DSCAM: variants seen among roughly 807,000 people sequenced by gnomAD.
DSCAM encodes the protein cell adhesion molecule DSCAM.
In DSCAM, 47 loss-of-function variants were observed where a neutral mutation model predicts 217.7. The ratio of observed to expected loss-of-function variants is 0.22; its 90% CI spans 0.17 to 0.28. DSCAM has a LOEUF of 0.28. DSCAM is among the 10% of genes least tolerant of loss of function. The pLI is 1.00. For missense variants in DSCAM, 2,080 were observed against 2,618.3 expected (o/e 0.79, Z 4.49); for synonymous variants, 1,056 against 1,015.3 (o/e 1.04, Z -0.76).
intron 11 of DSCAM, among the ~76,000 whole-genome samples, chr21:40,226,847 A>G (rs958871698): frequency 1.3e-5 from 2 of 152,122 alleles, no homozygotes; most frequent in East Asian, 1.9e-4. Context: ...TTCATTATCC[A>G]GGTATTAAGC....
chr21:40,065,332 G>T (rs1402366041), intron 27 of DSCAM, among the ~76,000 whole-genome samples: 9 of 152,022 alleles, frequency 5.9e-5, no homozygotes, highest in Admixed American at 5.9e-4. Flanking sequence ...TGAGATGAGG[G>T]TCTGGGTGTT....
chr21:40,299,953 A>G (rs1231173843), intron 9 of DSCAM, among the ~76,000 whole-genome samples: 9 of 152,132 alleles, frequency 5.9e-5, no homozygotes, highest in Non-Finnish European at 1.2e-4. Context: ...GAAAGTGAGC[A>G]TTTCCTGAGT....
intron 3 of DSCAM, among the ~76,000 whole-genome samples, chr21:40,673,267 G>A (rs567565343): frequency 8.7e-5 from 12 of 138,194 alleles, no homozygotes; most frequent in South Asian, 8.1e-4. Flanking sequence ...CTTGTTTTAC[G>A]GTAGTAAAGA....
Position 40,312,129 on chromosome 21 carries a change from G to A in DSCAM, c.2014C>T (p.Arg672Trp), listed in dbSNP as rs756989790. ...TGCTCCACAGCGGCGGCCTCATTCCGGGCTATGCAGGTGTAATTCCCATTG... is the reference window on the plus strand; with the variant it reads ...TGCTCCACAGCGGCGGCCTCATTCCAGGCTATGCAGGTGTAATTCCCATTG... ...MHNGNYTCIA[R>W]NEAAAVEHQS... The change falls in exon 9 of 33, where the codon CGG (arginine) becomes TGG (tryptophan). Residue 672 changes from arginine to tryptophan, a missense_variant. Coordinates refer to ENST00000400454, the MANE Select transcript of DSCAM (RefSeq NM_001389.5). 1.1e-5 allele frequency: 18 copies of A among 1,613,742 alleles called. No individual in the cohort carries two copies. Among genetic ancestry groups the A allele is most frequent in the Middle Eastern group, 1.6e-4 (1 of 6,084 alleles).
chr21:40,707,925 C>T (rs2090735271), intron 2 of DSCAM, among the ~76,000 whole-genome samples: 1 of 152,156 alleles, frequency 6.6e-6, no homozygotes, highest in African/African-American at 2.4e-5. Flanking sequence ...TATGTACTGA[C>T]AACATTTCAG....
At chr21:40,311,593 A>G (rs2074138080) in intron 9 of DSCAM, among the ~76,000 whole-genome samples, 1 of 152,256 alleles carries the variant, frequency 6.6e-6, no homozygotes, top group African/African-American at 2.4e-5. Flanking sequence ...TAAATAGAAT[A>G]GATGGGCAAA....
At chr21:40,329,065 G>A (rs2074348137) in intron 8 of DSCAM, among the ~76,000 whole-genome samples, 1 of 152,154 alleles carries the variant, frequency 6.6e-6, no homozygotes, top group African/African-American at 2.4e-5. Context: ...GTATTGATAG[G>A]AATGCAAGTT....
At chr21:40,763,991 C>T (rs1409378357) in intron 1 of DSCAM, among the ~76,000 whole-genome samples, 8 of 152,008 alleles carry the variant, frequency 5.3e-5, no homozygotes, top group Non-Finnish European at 1.2e-4. Context: ...CCATAAAAAC[C>T]CTAAAAGAAA....
intron 3 of DSCAM, among the ~76,000 whole-genome samples, chr21:40,464,182 C>T (rs373139900): frequency 7.9e-5 from 12 of 152,216 alleles, no homozygotes; most frequent in African/African-American, 2.9e-4. Context: ...CACACCTCTA[C>T]AGAGGTTCTC....
intron 18 of DSCAM, among the ~76,000 whole-genome samples, chr21:40,136,985 T>A (rs541810109): frequency 6.6e-5 from 10 of 151,832 alleles, no homozygotes; most frequent in Non-Finnish European, 1.0e-4. Context: ...CCATCCTGGC[T>A]AACACGGTGA....
At chr21:40,365,663 G>A (rs540520451) in intron 4 of DSCAM, among the ~76,000 whole-genome samples, 32 of 152,170 alleles carry the variant, frequency 2.1e-4, no homozygotes, top group African/African-American at 7.7e-4. Flanking sequence ...CAGAAGAGTT[G>A]CTCATCTTCT....
chr21:40,366,240 C>T (rs1163491527), intron 4 of DSCAM, among the ~76,000 whole-genome samples: 2 of 151,976 alleles, frequency 1.3e-5, no homozygotes, highest in African/African-American at 2.4e-5. Flanking sequence ...AATACTTATT[C>T]TCATCAATTG....
chr21:40,661,070 C>T (rs8133190), intron 3 of DSCAM, among the ~76,000 whole-genome samples: 135,429 of 152,236 alleles, frequency 0.89, 60,366 homozygotes, highest in East Asian at 1. Flanking sequence ...TGGAGGCTTC[C>T]GGAAATAGAG....
chr21:40,810,760 C>A (rs1428326563), intron 1 of DSCAM, among the ~76,000 whole-genome samples: 2 of 152,050 alleles, frequency 1.3e-5, no homozygotes, highest in Admixed American at 6.6e-5. Context: ...AAAAAACTAT[C>A]CAGACATGGT....
intron 3 of DSCAM, among the ~76,000 whole-genome samples, chr21:40,551,624 ACAGCT>A (rs1213294041): frequency 3.9e-5 from 6 of 152,178 alleles, no homozygotes; most frequent in African/African-American, 1.4e-4. Context: ...CCCACAAAAG[ACAGCT>A]TTGCAGAACC....
chr21:40,761,259 T>G (rs967081668), intron 1 of DSCAM, among the ~76,000 whole-genome samples: 5 of 152,306 alleles, frequency 3.3e-5, no homozygotes, highest in Middle Eastern at 3.4e-3. Context: ...CGGTACCTGT[T>G]ATCAAATGTT....
At chr21:40,209,238 G>A (rs2091157930) in intron 11 of DSCAM, among the ~76,000 whole-genome samples, 1 of 152,160 alleles carries the variant, frequency 6.6e-6, no homozygotes, top group Non-Finnish European at 1.5e-5. Context: ...GAAGCAGTGG[G>A]GGAGGATGAG....
chr21:40,779,869 G>T (rs534206475), intron 1 of DSCAM, among the ~76,000 whole-genome samples: 11 of 152,192 alleles, frequency 7.2e-5, no homozygotes, highest in Non-Finnish European at 1.6e-4. Flanking sequence ...TAAGGAAGGT[G>T]TGCAGAGACC....
At chr21:40,142,209 G>T (rs373495743) in intron 18 of DSCAM, among the ~76,000 whole-genome samples, 1 of 152,174 alleles carries the variant, frequency 6.6e-6, no homozygotes, top group East Asian at 1.9e-4. Context: ...GTAGGAAGAG[G>T]CCAACATTTT....
Sources: allele counts gnomAD v4.1 joint callset (sites outside exome capture counted in the v4.1 genomes callset), GRCh38; gene constraint gnomAD v4.1.1; transcripts MANE v1.5; gene names NCBI Gene and HGNC (gene_info 2026-07-23, HGNC 2026-07-21).